BUD23: variants seen among roughly 807,000 people sequenced by gnomAD.
BUD23 encodes 18S rRNA (guanine-N(7))-methyltransferase.
A neutral mutation model predicts 47.0 loss-of-function variants in BUD23; 34 were observed. The ratio of observed to expected loss-of-function variants is 0.72; its 90% CI spans 0.55 to 0.96. The LOEUF is 0.96. Ranked by LOEUF, BUD23 falls within the 40% of genes least tolerant of loss-of-function variation. The pLI is 0.00. For missense variants in BUD23, 343 were observed against 361.2 expected (o/e 0.95, Z 0.41); for synonymous variants, 124 against 132.0 (o/e 0.94, Z 0.41).
chr7:73,690,908 CT>C lies in BUD23; in HGVS notation c.363-3del. ...CTCCGTTGCCTGACTAGGTCCCTTC[CT>C]TTTTAGCATTTCTGCTGTGCAGTGG... On this transcript the variant is annotated splice_polypyrimidine_tract_variant and splice_region_variant and intron_variant, in intron 5 of 11. Transcript: ENST00000265758. The C allele has an allele frequency of 6.2e-7, 1 of 1,613,914 alleles. No homozygotes were observed.
chr7:73,696,607 G>A (rs1204605345), intron 10 of BUD23: 1 of 152,260 alleles, frequency 6.6e-6, no homozygotes, highest in East Asian at 1.9e-4. Context: ...TTCCTCAGAT[G>A]AGGTACAGGG....
At chr7:73,694,438 C>T in intron 10 of BUD23, 1 of 183,368 alleles carries the variant, frequency 5.5e-6, no homozygotes. Flanking sequence ...TGTCGGCACA[C>T]AGACATGCTG....
In BUD23 at chr7:73,684,003, A is replaced by C. The variant is rs1309559246; in HGVS notation, c.86+199A>C. 6 of 1,448,822 alleles carry C rather than the reference A, an allele frequency of 4.1e-6. No individual in the cohort carries two copies. The South Asian group carries it at 8.6e-5, about 21-fold the overall frequency. 89.7% of individuals were successfully genotyped at this position (1,448,822 alleles called of 1,614,324 possible). A position where few individuals can be genotyped will look rare whatever the true frequency, so the allele number is the denominator to read the frequency against. On this transcript the variant is annotated intron_variant, in intron 2 of 11. Coordinates refer to ENST00000265758, the MANE Select transcript of BUD23 (RefSeq NM_017528.5). ...GGCCTCGGTACCTCAGCGTTGAGGTAGGGGTGATCGCGCTTGCTTTCCGTG... is the reference window on the plus strand; with the variant it reads ...GGCCTCGGTACCTCAGCGTTGAGGTCGGGGTGATCGCGCTTGCTTTCCGTG...
At chr7:73,689,015 G>C (rs2116682222) in intron 5 of BUD23, among the ~76,000 whole-genome samples, 1 of 152,332 alleles carries the variant, frequency 6.6e-6, no homozygotes, top group South Asian at 2.1e-4. Flanking sequence ...GGGATGGTCA[G>C]TTTTTGTTTG....
At chr7:73,686,567 T>A (rs937404999) in intron 2 of BUD23, 69 bp from the exon 3 acceptor site, 7 of 1,412,914 alleles carry the variant, frequency 5.0e-6, no homozygotes, top group Non-Finnish European at 6.9e-6. Context: ...TGTTTTTTGT[T>A]TTTTGGTCTG....
chr7:73,694,032 C>T lies in BUD23; in HGVS notation c.683C>T (p.Ser228Phe). Residue 228 changes from serine (S) to phenylalanine (F), a missense_variant, in exon 10 of 12, where the codon TCT becomes TTT. Coordinates refer to ENST00000265758, the MANE Select transcript of BUD23 (RefSeq NM_017528.5). ...CAGGATGAAGTTGAACCCAGGGAGT[C>T]TGTGTTCACCAATGAGAGGTAAAGC... Reference protein sequence around the residue: ...ENQDEVEPRESVFTNERFPLR... With the variant: ...ENQDEVEPREFVFTNERFPLR... The T allele has an allele frequency of 1.2e-6, 2 of 1,610,494 alleles. No individual in the cohort carries two copies. The highest frequency in any genetic ancestry group is 1.7e-6 in the Non-Finnish European group (2 of 1,179,124).
intron 11 of BUD23, 33 bp downstream of exon 11, chr7:73,697,727 TG>T (rs3830638): frequency 0.59 from 948,029 of 1,609,850 alleles, 282,235 homozygotes; most frequent in Middle Eastern, 0.78. Flanking sequence ...GCAGGGTGGG[TG>T]GGGGGTGGAT....
chr7:73,695,974 A>C (rs1554614786), intron 10 of BUD23: 2 of 152,194 alleles, frequency 1.3e-5, no homozygotes, highest in Non-Finnish European at 2.9e-5. Context: ...AAACTTGGTG[A>C]GGACTGGTAT....
chr7:73,693,477 TC>T (rs1245332692), intron 8 of BUD23, 63 bp downstream of exon 8: 4 of 1,601,530 alleles, frequency 2.5e-6, no homozygotes, highest in Non-Finnish European at 3.4e-6. Context: ...CATAGCCCTT[TC>T]AGGCCACTCA....
In BUD23 at chr7:73,697,541, G is replaced by T. The variant is rs1259442056; in HGVS notation, c.702-64G>T. 21 of 1,611,422 alleles carry T rather than the reference G, an allele frequency of 1.3e-5. No homozygotes were observed. The Admixed American group carries it at 3.5e-4, about 27-fold the overall frequency. ...GGTAAGCTTGCCATGGATTCACATG[G>T]GGGCCAGTCGGGCAGCCCCATCCAT... is the stretch of plus-strand genomic sequence containing the variant. On this transcript the variant is annotated intron_variant, in intron 10 of 11. Transcript: ENST00000265758.
intron 5 of BUD23, among the ~76,000 whole-genome samples, chr7:73,688,840 G>A (rs1798079693): frequency 6.6e-6 from 1 of 152,136 alleles, no homozygotes; most frequent in Non-Finnish European, 1.5e-5. Flanking sequence ...CAGGTGAGAG[G>A]TAAAAATTCA....
chr7:73,692,954 T>A (rs1798250563), intron 7 of BUD23: 2 of 541,856 alleles, frequency 3.7e-6, no homozygotes, highest in African/African-American at 3.8e-5. Context: ...TTCTCCGTTG[T>A]GTGATGTATA....
At chr7:73,691,258 A>G (rs1554613977) in intron 6 of BUD23, among the ~76,000 whole-genome samples, 4 of 152,190 alleles carry the variant, frequency 2.6e-5, no homozygotes, top group Non-Finnish European at 5.9e-5. Flanking sequence ...AGACCAATTT[A>G]TTAACTTGTA....
intron 9 of BUD23, 33 bp downstream of exon 9, chr7:73,693,702 G>A (rs782281763): frequency 2.0e-5 from 33 of 1,613,608 alleles, no homozygotes; most frequent in Non-Finnish European, 2.7e-5. Context: ...GCAGGCCTGT[G>A]TCTTTTGACT....
Position 73,697,922 on chromosome 7 carries a change from C to T in BUD23, c.*36C>T, listed in dbSNP as rs143987214. 14 of 1,593,776 alleles carry T rather than the reference C, an allele frequency of 8.8e-6. No individual in the cohort carries two copies. In the Admixed American group the frequency reaches 2.2e-4, roughly 25 times the overall value. On this transcript the variant is annotated 3_prime_UTR_variant, in exon 12 of 12. Coordinates refer to ENST00000265758, the MANE Select transcript of BUD23 (RefSeq NM_017528.5). Reference sequence around the variant, plus strand: ...GGTTCTGGAAAGGCACTTGCCTCTGCACTTTTCTATATTGTTCAGCTGACA... The same window carrying T: ...GGTTCTGGAAAGGCACTTGCCTCTGTACTTTTCTATATTGTTCAGCTGACA...
Position 73,693,364 on chromosome 7 carries a change from C to CTT in BUD23, c.547_548dup (p.Gly185ProfsTer6). On this transcript the variant is annotated frameshift_variant, in exon 8 of 12. Transcript: ENST00000265758. LOFTEE classifies it high-confidence loss of function. ...TCACAACCCAGGCCACAAAGGCAGG[C>CTT]TTCTCCGGTGGCATGGTGGTAGACT... is the stretch of plus-strand genomic sequence containing the variant. 1 of 1,614,176 alleles carries CTT rather than the reference C, an allele frequency of 6.2e-7. No individual in the cohort carries two copies. The highest frequency in any genetic ancestry group is 2.2e-5 in the East Asian group (1 of 44,886).
At chr7:73,685,560 C>G (rs1239233923) in intron 2 of BUD23, among the ~76,000 whole-genome samples, 2 of 152,116 alleles carry the variant, frequency 1.3e-5, no homozygotes, top group Non-Finnish European at 2.9e-5. Flanking sequence ...CGCGCCTCCT[C>G]GCGCCCGACT....
At chr7:73,689,707 AG>A (rs1773524853) in intron 5 of BUD23, among the ~76,000 whole-genome samples, 1 of 152,120 alleles carries the variant, frequency 6.6e-6, no homozygotes, top group Non-Finnish European at 1.5e-5. Flanking sequence ...GATGGGGTTG[AG>A]TGTGGTTGCT....
chr7:73,684,360 G>T (rs1374048487), intron 2 of BUD23, among the ~76,000 whole-genome samples: 3 of 151,562 alleles, frequency 2.0e-5, no homozygotes, highest in Non-Finnish European at 4.4e-5. Context: ...GGGCAACGTA[G>T]CGAGCCCCCG....
Sources: allele counts gnomAD v4.1 joint callset (sites outside exome capture counted in the v4.1 genomes callset), GRCh38; gene constraint gnomAD v4.1.1; transcripts MANE v1.5; gene names NCBI Gene and HGNC (gene_info 2026-07-23, HGNC 2026-07-21).